The following SHC2 variants were observed in gnomAD, a reference collection of about 807,000 sequenced individuals.
SHC2 encodes the protein SHC adaptor protein 2.
In SHC2, 62 loss-of-function variants were observed where a neutral mutation model predicts 60.6. The observed-to-expected ratio is 1.02, with a 90% CI of 0.83 to 1.26. SHC2 has a LOEUF of 1.26. Ranked by LOEUF, SHC2 falls within the 50% of genes most tolerant of loss-of-function variation. The pLI is 0.00. For missense variants in SHC2, 873 were observed against 822.2 expected (o/e 1.06, Z -0.76); for synonymous variants, 375 against 372.4 (o/e 1.01, Z -0.08).
chr19:418,278 A>G (rs568650249), intron 12 of SHC2, among the ~76,000 whole-genome samples: 1 of 152,250 alleles, frequency 6.6e-6, no homozygotes, highest in African/African-American at 2.4e-5. Flanking sequence ...GGAGGCCTGG[A>G]CACCCAGCAC....
rs985754560 is a variant in SHC2 at position 434,715 on chromosome 19, G to A, written c.1104C>T (p.Leu368=). 66 of 1,609,746 alleles carry A rather than the reference G, an allele frequency of 4.1e-5. No homozygotes were observed. The highest frequency in any genetic ancestry group is 5.3e-5 in the African/African-American group (4 of 74,842). ...ALTQPCALTA[L]DQGPSPSLRD... is the part of the protein sequence containing the mutation. ...CCCGAGGGCAGAGGCTGACCTGGTC[G>A]AGGGCCGTGAGGGCGCAGGGCTGTG... Residue 368 remains leucine, a synonymous_variant, in exon 8 of 13, where the codon CTC becomes CTT. Transcript: ENST00000264554.
At chr19:448,255 T>C (rs1295807641) in intron 1 of SHC2, among the ~76,000 whole-genome samples, 2 of 152,194 alleles carry the variant, frequency 1.3e-5, no homozygotes, top group African/African-American at 4.8e-5. Context: ...AGGCCACACC[T>C]GGGGGCCACG....
intron 9 of SHC2, among the ~76,000 whole-genome samples, chr19:429,982 A>G (rs568388418): frequency 5.4e-5 from 8 of 148,696 alleles, no homozygotes; most frequent in Non-Finnish European, 1.5e-5. Context: ...CGCAGTACCT[A>G]TACCCAACAT....
chr19:438,986 C>A lies in SHC2; in HGVS notation c.584G>T (p.Gly195Val), dbSNP rs1371319075. Residue 195 changes from glycine to valine, a missense_variant, in exon 3 of 13, where the codon GGA becomes GTA. By Grantham distance (109) the Gly-to-Val change is moderately radical. Transcript: ENST00000264554. The surrounding 1 kb of genome is among the most constrained non-coding windows in gnomAD (Gnocchi z 5.0). ...CTCACTCACCTTTTTCTTCCAGGAT[C>A]CCCGGACGCCAGGCACGGCCTCATG... ...RLHEAVPGVR[G>V]SWKKKAPNKA... The A allele has an allele frequency of 6.2e-7, 1 of 1,601,740 alleles. No individual in the cohort carries two copies. Among genetic ancestry groups the A allele is most frequent in the African/African-American group, 1.3e-5 (1 of 74,674 alleles).
chr19:453,928 C>T lies in SHC2; in HGVS notation c.468+6601G>A, dbSNP rs961232740. ...GACTCACGGGACTTCTGTGTATGGA[C>T]GAGCCCAGCGCCAAAATGGTACGTG... On this transcript the variant is annotated intron_variant, in intron 1 of 12. Transcript: ENST00000264554. The surrounding 1 kb of genome is among the most constrained non-coding windows in gnomAD (Gnocchi z 6.3). 2.0e-5 allele frequency among the ~76,000 whole-genome samples: 3 copies of T among 152,226 alleles called. No homozygotes were observed. Among genetic ancestry groups the T allele is most frequent in the African/African-American group, 4.8e-5 (2 of 41,464 alleles).
At chr19:443,197 G>A (rs1454996133) in intron 1 of SHC2, among the ~76,000 whole-genome samples, 1 of 151,306 alleles carries the variant, frequency 6.6e-6, no homozygotes, top group Non-Finnish European at 1.5e-5. Context: ...TGGGTGGATG[G>A]GTGGGTAGAT....
At chr19:456,049 C>T (rs1019916465) in intron 1 of SHC2, among the ~76,000 whole-genome samples, 1 of 152,196 alleles carries the variant, frequency 6.6e-6, no homozygotes, top group African/African-American at 2.4e-5. Flanking sequence ...CGCAGGAGGA[C>T]CCTCAGCCCC....
In SHC2 at chr19:441,244, C is replaced by T. The variant is rs144592282; in HGVS notation, c.469-312G>A. The stretch of plus-strand genomic sequence containing the variant: ...CCCTCGTCGGTCTCTTTCTGTTCCA[C>T]CAGCACCGAAGCCGAGGAGCGTGGG... On this transcript the variant is annotated intron_variant, in intron 1 of 12. Transcript: ENST00000264554. This position sits in a 1 kb window ranked among gnomAD's most constrained non-coding sequence, Gnocchi z 4.9. 165 of 857,450 alleles carry T rather than the reference C, an allele frequency of 1.9e-4. 1 individual carries two copies. In the African/African-American group the frequency reaches 2.7e-3, roughly 14 times the overall value. The allele number at this position is 857,450 out of a possible 1,614,324, so 53.1% of individuals were successfully genotyped here.
At position 418,978 on chromosome 19, in the gene SHC2, C is replaced by A. The variant is rs1200016262; in HGVS notation, c.1699G>T (p.Ala567Ser). 1.3e-6 allele frequency: 2 copies of A among 1,585,654 alleles called. No individual in the cohort carries two copies. Among genetic ancestry groups the A allele is most frequent in the African/African-American group, 1.3e-5 (1 of 74,500 alleles). The part of the protein sequence containing the change: ...HHLQNGQPIV[A>S]AESELHLRGV... ...CGCAGGTGCAGCTCACTCTCGGCGGCCACGATGGGCTGCCCGTTCTGCAGG... is the reference window on the plus strand; with the variant it reads ...CGCAGGTGCAGCTCACTCTCGGCGGACACGATGGGCTGCCCGTTCTGCAGG... Residue 567 changes from alanine to serine, a missense_variant, in exon 12 of 13, where the codon GCC (alanine) becomes TCC (serine). Transcript: ENST00000264554.
intron 4 of SHC2, among the ~76,000 whole-genome samples, chr19:437,305 T>TGC (rs1974749648): frequency 6.6e-6 from 1 of 152,082 alleles, no homozygotes; most frequent in East Asian, 1.9e-4. Flanking sequence ...CGTGCTCGTC[T>TGC]GTGTGCTCAT....
At chr19:451,613 T>C (rs183081929) in intron 1 of SHC2, among the ~76,000 whole-genome samples, 165 of 152,334 alleles carry the variant, frequency 1.1e-3, no homozygotes, top group African/African-American at 3.9e-3. Flanking sequence ...TTTTGTTTGT[T>C]TTGAGACATA....
rs1345174216 is a variant in SHC2 at position 438,944 on chromosome 19, C to T, written c.600+26G>A. ...CAGCCCCCGACTGCCCCACCAGCCC[C>T]ACGAGAGACCACAAGCCTCACTCAC... On this transcript the variant is annotated intron_variant, in intron 3 of 12. Coordinates refer to ENST00000264554, the MANE Select transcript of SHC2 (RefSeq NM_012435.3). This position sits in a 1 kb window ranked among gnomAD's most constrained non-coding sequence, Gnocchi z 5.0. 3.8e-6 allele frequency: 6 copies of T among 1,588,120 alleles called. No homozygotes were observed. Among genetic ancestry groups the T allele is most frequent in the Non-Finnish European group, 5.1e-6 (6 of 1,167,536 alleles).
At position 438,680 on chromosome 19, in the gene SHC2, G is replaced by C. The variant is rs1202448342; in HGVS notation, c.720+38C>G. 3 of 1,545,456 alleles carry C rather than the reference G, an allele frequency of 1.9e-6. No homozygotes were observed. The highest frequency in any genetic ancestry group is 2.6e-6 in the Non-Finnish European group (3 of 1,145,944). ...GCCTCCTAGGACTCCTGGCCCCTCT[G>C]GGGGTCTGGGGACGCCAGGCGAAGA... On this transcript the variant is annotated intron_variant, in intron 4 of 12. Coordinates refer to ENST00000264554, the MANE Select transcript of SHC2 (RefSeq NM_012435.3). This position sits in a 1 kb window ranked among gnomAD's most constrained non-coding sequence, Gnocchi z 5.0.
chr19:437,047 A>G (rs573781249), intron 4 of SHC2, among the ~76,000 whole-genome samples: 1 of 151,646 alleles, frequency 6.6e-6, no homozygotes, highest in Admixed American at 6.6e-5. Flanking sequence ...ACACACACAC[A>G]CCCGAAGCAG....
intron 1 of SHC2, among the ~76,000 whole-genome samples, chr19:452,398 C>T (rs1975223466): frequency 2.6e-5 from 3 of 116,340 alleles, no homozygotes. Context: ...GTGCGTTTCT[C>T]CGTTTCATTG....
At chr19:448,117 T>C (rs1248192153) in intron 1 of SHC2, among the ~76,000 whole-genome samples, 1 of 152,188 alleles carries the variant, frequency 6.6e-6, no homozygotes, top group Non-Finnish European at 1.5e-5. Context: ...GACGTCCCCA[T>C]GCACCCGAGT....
rs563150854 is a variant in SHC2 at position 429,751 on chromosome 19, C to T, written c.1174+933G>A. Among the ~76,000 whole-genome samples, 43 of 145,604 alleles carry T rather than the reference C, an allele frequency of 3.0e-4. No homozygotes were observed. The East Asian group carries it at 8.5e-3, about 29-fold the overall frequency. On this transcript the variant is annotated intron_variant, in intron 9 of 12. Coordinates refer to ENST00000264554, the MANE Select transcript of SHC2 (RefSeq NM_012435.3). ...ACGCAGTACCTATACCCAACATGCT[C>T]GGAAACCTAACACCGTGTGGATGAC...
At chr19:418,400 C>T (rs1363039752) in intron 12 of SHC2, among the ~76,000 whole-genome samples, 6 of 152,268 alleles carry the variant, frequency 3.9e-5, no homozygotes, top group African/African-American at 1.2e-4. Flanking sequence ...GGCAGTGACG[C>T]GTGTCCACAC....
At position 441,082 on chromosome 19, in the gene SHC2, C is replaced by A. The variant is rs1241237439; in HGVS notation, c.469-150G>T. ...GGCTCTGGGGCCGTCGTGCCTCCCC[C>A]ACCTCAAGGCCCAGCCTTGACACTG... On this transcript the variant is annotated intron_variant, in intron 1 of 12. Coordinates refer to ENST00000264554, the MANE Select transcript of SHC2 (RefSeq NM_012435.3). This position sits in a 1 kb window ranked among gnomAD's most constrained non-coding sequence, Gnocchi z 4.9. 13 of 1,488,358 alleles carry A rather than the reference C, an allele frequency of 8.7e-6. No homozygotes were observed. The highest frequency in any genetic ancestry group is 1.3e-5 in the South Asian group (1 of 75,462). The allele number at this position is 1,488,358 out of a possible 1,614,324, so 92.2% of individuals were successfully genotyped here.
Sources: gnomAD v4.1 joint callset for allele counts (sites outside exome capture counted in the v4.1 genomes callset) on GRCh38, gnomAD v4.1.1 for gene constraint, Gnocchi (gnomAD v3.1) non-coding constraint, MANE v1.5 for transcripts, NCBI Gene and HGNC (gene_info 2026-07-23, HGNC 2026-07-21) for gene names.